The following TULP4 variants were observed in gnomAD, a reference collection of about 807,000 sequenced individuals.
The protein encoded by TULP4 is tubby-related protein 4.
In TULP4, 16 loss-of-function variants were observed where a neutral mutation model predicts 129.0. That is an observed-to-expected ratio of 0.12 (90% CI 0.08 to 0.19). The LOEUF (loss-of-function observed/expected upper bound fraction) is 0.19. Ranked by LOEUF, TULP4 falls within the 10% of genes least tolerant of loss-of-function variation. The pLI, the probability that TULP4 is intolerant of heterozygous loss-of-function variation, is 1.00. For missense variants in TULP4, 1,842 were observed against 2,059.1 expected (o/e 0.89, Z 2.04); for synonymous variants, 998 against 854.0 (o/e 1.17, Z -2.94).
At chr6:158,450,434 T>A (rs955246101) in intron 4 of TULP4, among the ~76,000 whole-genome samples, 1 of 152,256 alleles carries the variant, frequency 6.6e-6, no homozygotes, top group Admixed American at 6.5e-5. Context: ...AGCAGACACG[T>A]ATGTGTGTAC....
At chr6:158,452,056 T>C in intron 4 of TULP4, 78 bp from the exon 5 acceptor site, 3 of 1,578,320 alleles carry the variant, frequency 1.9e-6, no homozygotes, top group South Asian at 1.2e-5. Flanking sequence ...TAAGGCACCA[T>C]GCAAGATTTC....
chr6:158,498,688 C>T lies in TULP4; in HGVS notation c.1890C>T (p.Leu630=). The change falls in exon 12 of 14, where the codon CTC becomes CTT. Residue 630 remains leucine, a synonymous_variant. Coordinates refer to ENST00000367097, the MANE Select transcript of TULP4 (RefSeq NM_020245.5). The part of the protein sequence containing the change: ...NLGAVIYKTS[L]LHLQPRQMTI... ...CACCAGTAATCTATAAAACCAGCCT[C>T]CTGCATCTCCAGCCGCGGCAGATGA... The T allele has an allele frequency of 3.1e-6, 5 of 1,614,198 alleles. No individual in the cohort carries two copies. In the South Asian group the frequency reaches 3.3e-5, roughly 11 times the overall value.
chr6:158,473,867 G>A (rs1779750417), intron 6 of TULP4, among the ~76,000 whole-genome samples: 2 of 151,306 alleles, frequency 1.3e-5, no homozygotes, highest in African/African-American at 4.9e-5. Context: ...TCCCAGGCTG[G>A]AGTGCAGTGG....
At chr6:158,237,595 TAGAA>T (rs1777739266) in intron 1 of TULP4, 1 of 1,489,048 alleles carries the variant, frequency 6.7e-7, no homozygotes, top group South Asian at 1.1e-5. Context: ...TCTTCCCTGG[TAGAA>T]AGAACATTCT....
intron 6 of TULP4, among the ~76,000 whole-genome samples, chr6:158,468,031 C>G (rs1779592517): frequency 6.6e-6 from 1 of 152,222 alleles, no homozygotes; most frequent in Non-Finnish European, 1.5e-5. Context: ...TAAAAGTACA[C>G]TGACACACAG....
intron 3 of TULP4, among the ~76,000 whole-genome samples, chr6:158,434,679 A>G (rs1479072100): frequency 6.6e-6 from 1 of 152,186 alleles, no homozygotes; most frequent in Non-Finnish European, 1.5e-5. Context: ...TTCACTTGGA[A>G]AGCCTTTCAA....
intron 1 of TULP4, among the ~76,000 whole-genome samples, chr6:158,367,600 C>A (rs1214834214): frequency 6.6e-6 from 1 of 152,228 alleles, no homozygotes; most frequent in Admixed American, 6.5e-5. Flanking sequence ...AAAAATAATT[C>A]ATGGTTAATT....
At chr6:158,475,866 G>C (rs1329265036) in intron 6 of TULP4, among the ~76,000 whole-genome samples, 1 of 152,194 alleles carries the variant, frequency 6.6e-6, no homozygotes, top group Non-Finnish European at 1.5e-5. Context: ...TTATAGGCTG[G>C]AATACCAGTA....
chr6:158,438,400 G>A (rs114327200), intron 3 of TULP4, among the ~76,000 whole-genome samples: 1,612 of 152,292 alleles, frequency 0.011, 31 homozygotes, highest in African/African-American at 0.036. Context: ...CATGTAGTTT[G>A]GGGCTAGCTC....
chr6:158,364,736 G>A (rs992114337), intron 1 of TULP4, among the ~76,000 whole-genome samples: 5 of 151,814 alleles, frequency 3.3e-5, no homozygotes, highest in African/African-American at 1.2e-4. Flanking sequence ...TTTGTTTTTT[G>A]TTTGTTTGTT....
intron 1 of TULP4, among the ~76,000 whole-genome samples, chr6:158,402,551 T>G (rs983922003): frequency 3.3e-5 from 5 of 152,364 alleles, no homozygotes; most frequent in African/African-American, 1.2e-4. Flanking sequence ...CAAAATTAAC[T>G]GGACTTTCTC....
At chr6:158,412,414 C>T (rs776027240) in intron 1 of TULP4, among the ~76,000 whole-genome samples, 10 of 152,212 alleles carry the variant, frequency 6.6e-5, no homozygotes, top group East Asian at 3.9e-4. Flanking sequence ...GCCACCTAGC[C>T]GAGTTGCTAC....
chr6:158,438,189 C>T (rs2115087778), intron 3 of TULP4: 1 of 152,296 alleles, frequency 6.6e-6, no homozygotes, highest in Middle Eastern at 3.4e-3. Context: ...AAGGAATCCA[C>T]ATATTTTACA....
In TULP4 at chr6:158,413,291, C is replaced by T. The variant is rs967466232; in HGVS notation, c.381+98C>T. The T allele has an allele frequency of 8.8e-6, 12 of 1,358,564 alleles. No homozygotes were observed. Among genetic ancestry groups the T allele is most frequent in the Middle Eastern group, 2.3e-4 (1 of 4,386 alleles). The allele number at this position is 1,358,564 out of a possible 1,614,324, so 84.2% of individuals were successfully genotyped here. A position where few individuals can be genotyped will look rare whatever the true frequency, so the allele number is the denominator to read the frequency against. On this transcript the variant is annotated intron_variant, in intron 2 of 13. Coordinates refer to ENST00000367097, the MANE Select transcript of TULP4 (RefSeq NM_020245.5). The surrounding 1 kb of genome is among the most constrained non-coding windows in gnomAD (Gnocchi z 4.9). ...AGTGCGTTAGCACCACACAGCGCCACGTGCTCCAGAGCTGGGGGAAGAGAA... is the reference window on the plus strand; with the variant it reads ...AGTGCGTTAGCACCACACAGCGCCATGTGCTCCAGAGCTGGGGGAAGAGAA...
rs1361073729 is a variant in TULP4 at position 158,242,198 on chromosome 6, A to G, written n.68+9895A>G. On this transcript the variant is annotated intron_variant and non_coding_transcript_variant, in intron 1 of 1. Transcript: ENST00000620026. ...TCAGTCTCATCAGTGTCTTCTGATAATGAATGGTGGCAAAGACCTTCAGCT... is the reference window on the plus strand; with the variant it reads ...TCAGTCTCATCAGTGTCTTCTGATAGTGAATGGTGGCAAAGACCTTCAGCT... 8.0e-6 allele frequency: 11 copies of G among 1,373,706 alleles called. No individual in the cohort carries two copies. The East Asian group carries it at 2.6e-4, about 32-fold the overall frequency. The allele number at this position is 1,373,706 out of a possible 1,614,324, so 85.1% of individuals were successfully genotyped here.
At chr6:158,317,181 T>A (rs951507806) in intron 1 of TULP4, among the ~76,000 whole-genome samples, 1 of 37,668 alleles carries the variant, frequency 2.7e-5, no homozygotes, top group East Asian at 1.1e-3. Context: ...ATTTTTACTT[T>A]TTTGGTTTTT....
chr6:158,274,515 G>A (rs969683018), intron 1 of TULP4, among the ~76,000 whole-genome samples: 4 of 151,692 alleles, frequency 2.6e-5, no homozygotes, highest in Non-Finnish European at 4.4e-5. Context: ...AGTGGCTCAC[G>A]CCTGTAGTCC....
At chr6:158,444,886 A>G (rs1583883886) in intron 3 of TULP4, among the ~76,000 whole-genome samples, 1 of 152,170 alleles carries the variant, frequency 6.6e-6, no homozygotes, top group East Asian at 1.9e-4. Context: ...ATCATGGCTC[A>G]CTGCAGCCTC....
chr6:158,367,727 T>C (rs1314391595), intron 1 of TULP4, among the ~76,000 whole-genome samples: 1 of 152,116 alleles, frequency 6.6e-6, no homozygotes, highest in Non-Finnish European at 1.5e-5. Context: ...ATTCTTTTAT[T>C]GTGAACTTTC....
Sources: allele counts gnomAD v4.1 joint callset (sites outside exome capture counted in the v4.1 genomes callset), GRCh38; gene constraint gnomAD v4.1.1; non-coding constraint Gnocchi (gnomAD v3.1); transcripts MANE v1.5; gene names NCBI Gene and HGNC (gene_info 2026-07-23, HGNC 2026-07-21).